Variants in CNGA1 observed in about 807,000 individuals in gnomAD.
CNGA1 encodes the protein cyclic nucleotide-gated channel alpha-1.
Under a neutral mutation model 69.7 loss-of-function variants are expected in CNGA1, and 53 were observed. That is an observed-to-expected ratio of 0.76 (90% CI 0.61 to 0.96). The LOEUF (loss-of-function observed/expected upper bound fraction) is 0.96, where lower values mean the gene tolerates loss of function less well. Among genes scored for constraint, CNGA1 ranks in the 40% least tolerant of loss-of-function variants. The pLI is 0.00. For synonymous variants in CNGA1, 249 were observed against 283.5 expected (o/e 0.88, Z 1.22); for missense variants, 739 against 811.2 (o/e 0.91, Z 1.08).
In CNGA1 at chr4:47,936,692, T is replaced by C. The variant is rs2110127317; in HGVS notation, c.1790A>G (p.Gln597Arg). 6.2e-7 allele frequency: 1 copy of C among 1,614,188 alleles called. No homozygotes were observed. The highest frequency in any genetic ancestry group is 1.7e-5 in the Admixed American group (1 of 60,028). ...CAGTAGACCATCTTTCATTAAAATC[T>C]GCTTCCCTTTCTCTTCCAGCATAGT... ...AKTMLEEKGK[Q>R]ILMKDGLLDL... The change falls in exon 11 of 11, where the codon CAG becomes CGG. Residue 597 changes from glutamine to arginine, a missense_variant. Gln to Arg is a conservative substitution (Grantham distance 43). Transcript: ENST00000514170.
At position 48,016,627 on chromosome 4, in the gene CNGA1, G is replaced by A. The variant is rs1260902102; in HGVS notation, c.-367C>T. On this transcript the variant is annotated 5_prime_UTR_variant, in exon 1 of 11. Transcript: ENST00000514170. The stretch of plus-strand genomic sequence containing the variant: ...GTTATCACAGGCCGCTCCCAGGCCT[G>A]CGGGGGCCCTGAGAATTCGCAACAA... 5.5e-5 allele frequency: 30 copies of A among 546,412 alleles called. No homozygotes were observed. The allele number at this position is 546,412 out of a possible 1,614,324, so 33.8% of individuals were successfully genotyped here.
intron 1 of CNGA1, among the ~76,000 whole-genome samples, chr4:48,014,895 G>A (rs1229250569): frequency 6.6e-6 from 1 of 152,130 alleles, no homozygotes; most frequent in Non-Finnish European, 1.5e-5. Flanking sequence ...GTTTTGGGCC[G>A]GGCTAGGTGG....
At chr4:47,985,401 T>C (rs1191155220) in intron 2 of CNGA1, among the ~76,000 whole-genome samples, 1 of 152,198 alleles carries the variant, frequency 6.6e-6, no homozygotes, top group Non-Finnish European at 1.5e-5. Context: ...ATAATAAACA[T>C]ATCTAAAAAG....
intron 9 of CNGA1, among the ~76,000 whole-genome samples, chr4:47,941,470 A>T (rs1739071605): frequency 6.6e-6 from 1 of 152,364 alleles, no homozygotes; most frequent in South Asian, 2.1e-4. Flanking sequence ...TTACCATCTA[A>T]AAGACATTAA....
chr4:47,942,353 C>T (rs1739134120), intron 8 of CNGA1, among the ~76,000 whole-genome samples: 1 of 120,714 alleles, frequency 8.3e-6, no homozygotes, highest in Admixed American at 1.1e-4. Context: ...GATAACAAAA[C>T]TACCAGTTTT....
intron 3 of CNGA1, among the ~76,000 whole-genome samples, chr4:47,979,822 A>G (rs2110214817): frequency 6.6e-6 from 1 of 152,248 alleles, no homozygotes; most frequent in Middle Eastern, 3.4e-3. Flanking sequence ...TCTAACTTAA[A>G]AAATTACCTC....
chr4:47,978,973 A>G (rs1445674239), intron 3 of CNGA1, among the ~76,000 whole-genome samples: 2 of 152,192 alleles, frequency 1.3e-5, no homozygotes, highest in Non-Finnish European at 2.9e-5. Context: ...ACCATTACCT[A>G]TAACTGTAAG....
intron 3 of CNGA1, among the ~76,000 whole-genome samples, chr4:47,953,702 G>C (rs1256718196): frequency 6.6e-6 from 1 of 152,200 alleles, no homozygotes; most frequent in Non-Finnish European, 1.5e-5. Context: ...TTTGGCTGCT[G>C]TCTGAGACTC....
chr4:47,990,882 G>A lies in CNGA1; in HGVS notation c.-122-9382C>T, dbSNP rs565727617. ...CATAGCTTAGCTCCCACTTACGAGC[G>A]AGAATATACAATATTTGGTTTCCCA... On this transcript the variant is annotated intron_variant, in intron 2 of 10. Coordinates refer to ENST00000514170, the MANE Select transcript of CNGA1 (RefSeq NM_001379270.1). 1.6e-4 allele frequency among the ~76,000 whole-genome samples: 25 copies of A among 152,232 alleles called. No individual in the cohort carries two copies. In the South Asian group the frequency reaches 3.3e-3, roughly 20 times the overall value.
chr4:48,000,556 C>T (rs547298678), intron 2 of CNGA1, among the ~76,000 whole-genome samples: 2 of 152,032 alleles, frequency 1.3e-5, no homozygotes, highest in Non-Finnish European at 2.9e-5. Context: ...TTAGTAGATA[C>T]GGGGCTTCTC....
chr4:47,974,713 T>G (rs1741256910), intron 3 of CNGA1, among the ~76,000 whole-genome samples: 1 of 152,002 alleles, frequency 6.6e-6, no homozygotes, highest in African/African-American at 2.4e-5. Flanking sequence ...AACTAAGTTT[T>G]TTTTTTTTTT....
At chr4:47,969,006 T>G (rs1396469150) in intron 3 of CNGA1, among the ~76,000 whole-genome samples, 1 of 152,118 alleles carries the variant, frequency 6.6e-6, no homozygotes, top group African/African-American at 2.4e-5. Context: ...CTACATGAAG[T>G]GAAGAGTCAT....
chr4:47,942,697 G>A (rs556442083), intron 8 of CNGA1, among the ~76,000 whole-genome samples: 73 of 152,322 alleles, frequency 4.8e-4, no homozygotes, highest in Non-Finnish European at 8.2e-4. Flanking sequence ...TCGGCCTCCT[G>A]TCAGATCAGC....
chr4:47,997,684 C>G (rs2110243752), intron 2 of CNGA1, among the ~76,000 whole-genome samples: 1 of 152,232 alleles, frequency 6.6e-6, no homozygotes, highest in African/African-American at 2.4e-5. Context: ...TGCTGTTTCA[C>G]AACGCTTTGA....
intron 6 of CNGA1, among the ~76,000 whole-genome samples, chr4:47,945,501 C>T (rs1486107920): frequency 1.3e-5 from 2 of 152,148 alleles, no homozygotes; most frequent in Non-Finnish European, 2.9e-5. Context: ...TTGATGTTGA[C>T]ACCTAGGGAT....
chr4:47,966,640 G>A (rs1400446515), intron 3 of CNGA1, among the ~76,000 whole-genome samples: 2 of 152,168 alleles, frequency 1.3e-5, no homozygotes, highest in Non-Finnish European at 2.9e-5. Flanking sequence ...CCACAAGTGG[G>A]AGACAGAAAA....
intron 1 of CNGA1, 76 bp from the exon 2 acceptor site, chr4:48,010,969 T>C (rs942476754): frequency 6.6e-6 from 1 of 152,364 alleles, no homozygotes; most frequent in Non-Finnish European, 1.5e-5. Context: ...AGAGCTCCCG[T>C]ACAAAGGGAG....
At chr4:47,986,818 G>T (rs1053663825) in intron 2 of CNGA1, among the ~76,000 whole-genome samples, 1 of 152,130 alleles carries the variant, frequency 6.6e-6, no homozygotes, top group Non-Finnish European at 1.5e-5. Flanking sequence ...CATACAAGGA[G>T]CCCAAAAATT....
At chr4:47,945,433 C>T (rs1442070042) in intron 6 of CNGA1, among the ~76,000 whole-genome samples, 1 of 152,124 alleles carries the variant, frequency 6.6e-6, no homozygotes, top group Admixed American at 6.5e-5. Context: ...GATCACTATA[C>T]TCTGGGGGAA....
Sources: allele counts gnomAD v4.1 joint callset (sites outside exome capture counted in the v4.1 genomes callset), GRCh38; gene constraint gnomAD v4.1.1; transcripts MANE v1.5; gene names NCBI Gene and HGNC (gene_info 2026-07-23, HGNC 2026-07-21).